The following TP53INP2 variants were observed in gnomAD, a reference collection of about 807,000 sequenced individuals.
TP53INP2 encodes the protein tumor protein p53-inducible nuclear protein 2.
TP53INP2 carries 12 observed loss-of-function variants against 17.1 expected under a neutral mutation model. That is an observed-to-expected ratio of 0.70 (90% confidence interval 0.45 to 1.14). The LOEUF (loss-of-function observed/expected upper bound fraction) is 1.14. TP53INP2 is among the 50% of genes most tolerant of loss of function. The pLI, the probability that TP53INP2 is intolerant of heterozygous loss-of-function variation, is 0.00. For missense variants in TP53INP2, 342 were observed against 330.9 expected (o/e 1.03, Z -0.26); for synonymous variants, 145 against 147.3 (o/e 0.98, Z 0.12).
Position 34,712,056 on chromosome 20 carries a change from G to A in TP53INP2, c.*1749G>A, listed in dbSNP as rs774369297. ...CATGGATGCTGGGATGAGGACAGAG[G>A]AAGACCTGATGGGGTCTCCTATTCC... On this transcript the variant is annotated 3_prime_UTR_variant, in exon 5 of 5. Coordinates refer to ENST00000374810, the MANE Select transcript of TP53INP2 (RefSeq NM_021202.3). 6.5e-6 allele frequency: 1 copy of A among 152,726 alleles called. No individual in the cohort carries two copies. The highest frequency in any genetic ancestry group is 1.5e-5 in the Non-Finnish European group (1 of 68,144). The allele number at this position is 152,726 out of a possible 1,614,324, so 9.5% of individuals were successfully genotyped here.
Position 34,710,056 on chromosome 20 carries a change from A to G in TP53INP2, c.414-2A>G. 1 of 1,278,690 alleles carries G rather than the reference A, an allele frequency of 7.8e-7. No individual in the cohort carries two copies. Among genetic ancestry groups the G allele is most frequent in the Non-Finnish European group, 9.8e-7 (1 of 1,015,900 alleles). 79.2% of individuals were successfully genotyped at this position (1,278,690 alleles called of 1,614,324 possible). On this transcript the variant is annotated splice_acceptor_variant, in intron 4 of 4. Transcript: ENST00000374810. LOFTEE classifies it high-confidence loss of function. The surrounding 1 kb of genome is among the most constrained non-coding windows in gnomAD (Gnocchi z 4.9). ...TGACCGAGCCTGGCTCTGTCCTCAC[A>G]GGGAATTGACGCCCGCCCGCCGCGA...
Position 34,710,004 on chromosome 20 carries a change from T to TTGGG in TP53INP2, c.414-54_414-53insTGGG. 2.0e-6 allele frequency: 1 copy of TTGGG among 497,144 alleles called. No homozygotes were observed. Among genetic ancestry groups the TTGGG allele is most frequent in the Non-Finnish European group, 2.7e-6 (1 of 376,016 alleles). 30.8% of individuals were successfully genotyped at this position (497,144 alleles called of 1,614,324 possible). The stretch of plus-strand genomic sequence containing the variant: ...AAGGGTGGGAGATGGCAGCGCCCTC[T>TTGGG]AGACCCCCCGCCCAGCTTACCCGGC... On this transcript the variant is annotated intron_variant, in intron 4 of 4. Transcript: ENST00000374810. This position sits in a 1 kb window ranked among gnomAD's most constrained non-coding sequence, Gnocchi z 4.9.
chr20:34,709,635 G>GGGGT lies in TP53INP2; in HGVS notation c.413+112_413+115dup. The GGGGT allele has an allele frequency of 6.9e-7, 1 of 1,447,692 alleles. No individual in the cohort carries two copies. Among genetic ancestry groups the GGGGT allele is most frequent in the Non-Finnish European group, 9.0e-7 (1 of 1,107,834 alleles). The allele number at this position is 1,447,692 out of a possible 1,614,324, so 89.7% of individuals were successfully genotyped here. A position where few individuals can be genotyped will look rare whatever the true frequency, so the allele number is the denominator to read the frequency against. On this transcript the variant is annotated intron_variant, in intron 4 of 4. Coordinates refer to ENST00000374810, the MANE Select transcript of TP53INP2 (RefSeq NM_021202.3). The surrounding 1 kb of genome is among the most constrained non-coding windows in gnomAD (Gnocchi z 5.4). ...GCCAGGAGCCCGCCCCGCGCTCGAG[G>GGGGT]GGGTAGCGGCCTTGGGAGGGTTGCC...
rs1988076638 is a variant in TP53INP2 at position 34,709,110 on chromosome 20, G to C, written c.125-126G>C. 2 of 1,438,928 alleles carry C rather than the reference G, an allele frequency of 1.4e-6. No individual in the cohort carries two copies. Among genetic ancestry groups the C allele is most frequent in the Non-Finnish European group, 1.8e-6 (2 of 1,100,244 alleles). The allele number at this position is 1,438,928 out of a possible 1,614,324, so 89.1% of individuals were successfully genotyped here. On this transcript the variant is annotated intron_variant, in intron 3 of 4. Coordinates refer to ENST00000374810, the MANE Select transcript of TP53INP2 (RefSeq NM_021202.3). This position sits in a 1 kb window ranked among gnomAD's most constrained non-coding sequence, Gnocchi z 5.4. ...GTGGGTGCCCCGGGGCGCTGCGGACGGGCTGCGGGTCTGACTAACGATGCC... is the reference window on the plus strand; with the variant it reads ...GTGGGTGCCCCGGGGCGCTGCGGACCGGCTGCGGGTCTGACTAACGATGCC...
In TP53INP2 at chr20:34,713,358, G is replaced by T. The variant is rs1433795867; in HGVS notation, c.*3051G>T. 6.6e-6 allele frequency: 1 copy of T among 152,620 alleles called. No individual in the cohort carries two copies. Among genetic ancestry groups the T allele is most frequent in the African/African-American group, 2.4e-5 (1 of 41,448 alleles). The allele number at this position is 152,620 out of a possible 1,614,324, so 9.5% of individuals were successfully genotyped here. Reference sequence around the variant, plus strand: ...GTATGTGTGTAACAGAATTCTGATTGTTAGACTGTAATGCTATTCCTCTAT... The same window carrying T: ...GTATGTGTGTAACAGAATTCTGATTTTTAGACTGTAATGCTATTCCTCTAT... On this transcript the variant is annotated 3_prime_UTR_variant, in exon 5 of 5. Transcript: ENST00000374810.
intron 3 of TP53INP2, 137 bp downstream of exon 3, chr20:34,709,000 CATGAAAG>C (rs1988071260): frequency 7.0e-7 from 1 of 1,431,122 alleles, no homozygotes; most frequent in East Asian, 2.4e-5. Context: ...GGCCCCTTCC[CATGAAAG>C]CCGGGGCTCT....
rs1198744571 is a variant in TP53INP2 at position 34,709,266 on chromosome 20, C to T, written c.155C>T (p.Ala52Val). The stretch of plus-strand genomic sequence containing the variant: ...TACGCGGCTCCACCCAGCCCCGGGG[C>T]CGCCCCTGCCCCCGCGGGCCGCCCT... ...DSYAAPPSPG[A>V]APAPAGRPPP... Residue 52 changes from alanine (A) to valine (V), a missense_variant, in exon 4 of 5, where the codon GCC (alanine) becomes GTC (valine). Coordinates refer to ENST00000374810, the MANE Select transcript of TP53INP2 (RefSeq NM_021202.3). This position sits in a 1 kb window ranked among gnomAD's most constrained non-coding sequence, Gnocchi z 5.4. 2.5e-6 allele frequency: 4 copies of T among 1,588,330 alleles called. No homozygotes were observed. Among genetic ancestry groups the T allele is most frequent in the African/African-American group, 2.7e-5 (2 of 74,246 alleles).
chr20:34,710,170 C>G lies in TP53INP2; in HGVS notation c.526C>G (p.Arg176Gly), dbSNP rs1319532221. 3.8e-6 allele frequency: 5 copies of G among 1,317,434 alleles called. No homozygotes were observed. The highest frequency in any genetic ancestry group is 2.2e-5 in the South Asian group (1 of 46,014). 81.6% of individuals were successfully genotyped at this position (1,317,434 alleles called of 1,614,324 possible). ...CCAGGTGCGGCGGCTGCAGCGGGCCCGGCAGCGGGCAGAGCGCCACGCGCT... is the reference window on the plus strand; with the variant it reads ...CCAGGTGCGGCGGCTGCAGCGGGCCGGGCAGCGGGCAGAGCGCCACGCGCT... Reference protein sequence around the residue: ...AGQVRRLQRARQRAERHALSA... With the variant: ...AGQVRRLQRAGQRAERHALSA... Residue 176 changes from arginine to glycine, a missense_variant, in exon 5 of 5, where the codon CGG becomes GGG. Arg to Gly is a moderately radical substitution (Grantham distance 125). Coordinates refer to ENST00000374810, the MANE Select transcript of TP53INP2 (RefSeq NM_021202.3). This position sits in a 1 kb window ranked among gnomAD's most constrained non-coding sequence, Gnocchi z 4.9.
rs72441151 is a variant in TP53INP2 at position 34,709,160 on chromosome 20, G to GGT, written c.125-52_125-51dup. ...CCTTTCTCTCCCCGCCCCCTTGTCC[G>GGT]GTGTGTGTGTGTGTGTGTGTGTGTG... On this transcript the variant is annotated intron_variant, in intron 3 of 4. Coordinates refer to ENST00000374810, the MANE Select transcript of TP53INP2 (RefSeq NM_021202.3). This position sits in a 1 kb window ranked among gnomAD's most constrained non-coding sequence, Gnocchi z 5.4. The GGT allele has an allele frequency of 9.5e-4, 1,293 of 1,359,442 alleles. 1 individual carries two copies. The highest frequency in any genetic ancestry group is 8.4e-3 in the East Asian group (314 of 37,212). The allele number at this position is 1,359,442 out of a possible 1,614,324, so 84.2% of individuals were successfully genotyped here.
At position 34,709,364 on chromosome 20, in the gene TP53INP2, G is replaced by A. The variant is rs1988097273; in HGVS notation, c.253G>A (p.Gly85Arg). The stretch of plus-strand genomic sequence containing the variant: ...CGCCTGTTTTACGGCAGAGGGGCCT[G>A]GACTCGGTCCCGCCCGCCTCCAGAG... The part of the protein sequence containing the change: ...PPACFTAEGP[G>R]LGPARLQSSP... The change falls in exon 4 of 5, where the codon GGA becomes AGA. Residue 85 changes from glycine (G) to arginine (R), a missense_variant. Physicochemically the swap from Gly to Arg is moderately radical, Grantham distance 125. Transcript: ENST00000374810. This position sits in a 1 kb window ranked among gnomAD's most constrained non-coding sequence, Gnocchi z 5.4. 6.2e-7 allele frequency: 1 copy of A among 1,613,680 alleles called. No individual in the cohort carries two copies. The highest frequency in any genetic ancestry group is 8.5e-7 in the Non-Finnish European group (1 of 1,179,838).
rs935888275 is a variant in TP53INP2 at position 34,712,066 on chromosome 20, T to TGG, written c.*1762_*1763dup. ...GGGATGAGGACAGAGGAAGACCTGATGGGGTCTCCTATTCCAGGGAATAAG... is the reference window on the plus strand; with the variant it reads ...GGGATGAGGACAGAGGAAGACCTGATGGGGGGTCTCCTATTCCAGGGAATAAG... On this transcript the variant is annotated 3_prime_UTR_variant, in exon 5 of 5. Transcript: ENST00000374810. The TGG allele has an allele frequency of 6.5e-6, 1 of 152,734 alleles. No individual in the cohort carries two copies. The highest frequency in any genetic ancestry group is 1.5e-5 in the Non-Finnish European group (1 of 68,144). 9.5% of individuals were successfully genotyped at this position (152,734 alleles called of 1,614,324 possible).
In TP53INP2 at chr20:34,708,841, C is replaced by T. The variant is rs1238587614; in HGVS notation, c.102C>T (p.Gly34=). ...AFVSEEDEVD[G]WLIIDLPDSY... ...TGTCGGAGGAGGATGAAGTGGACGG[C>T]TGGCTCATCATTGACCTGCCGGGTG... The change falls in exon 3 of 5, where the codon GGC becomes GGT. Residue 34 remains glycine (G), a synonymous_variant. Transcript: ENST00000374810. 2 of 1,613,826 alleles carry T rather than the reference C, an allele frequency of 1.2e-6. No homozygotes were observed. The highest frequency in any genetic ancestry group is 8.5e-7 in the Non-Finnish European group (1 of 1,179,854).
chr20:34,706,125 C>G (rs1482926098), intron 2 of TP53INP2, among the ~76,000 whole-genome samples: 3 of 152,126 alleles, frequency 2.0e-5, no homozygotes, highest in African/African-American at 7.2e-5. Flanking sequence ...GCCAGTAACC[C>G]CAGACCCTTT....
rs763118460 is a variant in TP53INP2, at chr20:34,708,733, C to G, written c.-7C>G. The G allele has an allele frequency of 1.3e-6, 2 of 1,573,306 alleles. No individual in the cohort carries two copies. The highest frequency in any genetic ancestry group is 1.7e-6 in the Non-Finnish European group (2 of 1,160,242). ...GGGCGCCCCCGTGAGGCGCTTCGCC[C>G]CCCACCATGTTCCAGCGCCTCTCCA... is the stretch of plus-strand genomic sequence containing the variant. On this transcript the variant is annotated 5_prime_UTR_variant, in exon 3 of 5. Coordinates refer to ENST00000374810, the MANE Select transcript of TP53INP2 (RefSeq NM_021202.3).
chr20:34,710,186 G>T lies in TP53INP2; in HGVS notation c.542G>T (p.Arg181Leu), dbSNP rs1339188363. ...CAGCGGGCCCGGCAGCGGGCAGAGC[G>T]CCACGCGCTGAGCGCCAAGGCGGTG... ...RLQRARQRAE[R>L]HALSAKAVQR... Residue 181 changes from arginine to leucine, a missense_variant, in exon 5 of 5, where the codon CGC becomes CTC. Physicochemically the swap from Arg to Leu is moderately radical, Grantham distance 102. Transcript: ENST00000374810. The surrounding 1 kb of genome is among the most constrained non-coding windows in gnomAD (Gnocchi z 4.9). 2.8e-6 allele frequency: 4 copies of T among 1,404,250 alleles called. No individual in the cohort carries two copies. In the East Asian group the frequency reaches 1.1e-4, roughly 40 times the overall value. The allele number at this position is 1,404,250 out of a possible 1,614,324, so 87.0% of individuals were successfully genotyped here.
chr20:34,709,053 C>T lies in TP53INP2; in HGVS notation c.125-183C>T, dbSNP rs993486059. Among the ~76,000 whole-genome samples the T allele has an allele frequency of 1.4e-4, 22 of 152,054 alleles. No individual in the cohort carries two copies. The highest frequency in any genetic ancestry group is 2.2e-4 in the Non-Finnish European group (15 of 67,978). On this transcript the variant is annotated intron_variant, in intron 3 of 4. Coordinates refer to ENST00000374810, the MANE Select transcript of TP53INP2 (RefSeq NM_021202.3). This position sits in a 1 kb window ranked among gnomAD's most constrained non-coding sequence, Gnocchi z 5.4. ...CCCAGGAGAGGCCCGCACGTCAGGT[C>T]CCCTAGGGCAGCAGGGCGAGACGCC...
Position 34,709,102 on chromosome 20 carries a change from C to T in TP53INP2, c.125-134C>T. 7.0e-7 allele frequency: 1 copy of T among 1,437,032 alleles called. No individual in the cohort carries two copies. Among genetic ancestry groups the T allele is most frequent in the Non-Finnish European group, 9.1e-7 (1 of 1,098,752 alleles). 89.0% of individuals were successfully genotyped at this position (1,437,032 alleles called of 1,614,324 possible). ...CCTGGCCCGTGGGTGCCCCGGGGCG[C>T]TGCGGACGGGCTGCGGGTCTGACTA... On this transcript the variant is annotated intron_variant, in intron 3 of 4. Coordinates refer to ENST00000374810, the MANE Select transcript of TP53INP2 (RefSeq NM_021202.3). The surrounding 1 kb of genome is among the most constrained non-coding windows in gnomAD (Gnocchi z 5.4).
Position 34,712,542 on chromosome 20 carries a change from G to A in TP53INP2, c.*2235G>A, listed in dbSNP as rs1439008462. 1 of 152,580 alleles carries A rather than the reference G, an allele frequency of 6.6e-6. No homozygotes were observed. The highest frequency in any genetic ancestry group is 2.4e-5 in the African/African-American group (1 of 41,422). The allele number at this position is 152,580 out of a possible 1,614,324, so 9.5% of individuals were successfully genotyped here. ...TGTGGCAATATTTTAATTGTGTATAGATTTCTAAGAACCAACACTACTCAG... is the reference window on the plus strand; with the variant it reads ...TGTGGCAATATTTTAATTGTGTATAAATTTCTAAGAACCAACACTACTCAG... On this transcript the variant is annotated 3_prime_UTR_variant, in exon 5 of 5. Transcript: ENST00000374810.
rs1231816456 is a variant in TP53INP2 at position 34,711,686 on chromosome 20, A to T, written c.*1379A>T. On this transcript the variant is annotated 3_prime_UTR_variant, in exon 5 of 5. Coordinates refer to ENST00000374810, the MANE Select transcript of TP53INP2 (RefSeq NM_021202.3). This position sits in a 1 kb window ranked among gnomAD's most constrained non-coding sequence, Gnocchi z 4.1. ...AAGAGGGAACCTGAATCCCTGGGGGAGACAGAAGGGGCAGGGGCCACCAGC... is the reference window on the plus strand; with the variant it reads ...AAGAGGGAACCTGAATCCCTGGGGGTGACAGAAGGGGCAGGGGCCACCAGC... 6.6e-6 allele frequency: 1 copy of T among 152,440 alleles called. No individual in the cohort carries two copies. Among genetic ancestry groups the T allele is most frequent in the African/African-American group, 2.4e-5 (1 of 41,374 alleles). The allele number at this position is 152,440 out of a possible 1,614,324, so 9.4% of individuals were successfully genotyped here. A position where few individuals can be genotyped will look rare whatever the true frequency, so the allele number is the denominator to read the frequency against.
Sources: allele counts gnomAD v4.1 joint callset (sites outside exome capture counted in the v4.1 genomes callset), GRCh38; gene constraint gnomAD v4.1.1; non-coding constraint Gnocchi (gnomAD v3.1); transcripts MANE v1.5; gene names NCBI Gene and HGNC (gene_info 2026-07-23, HGNC 2026-07-21).